The following INPP4B variants were observed in gnomAD, a reference collection of about 807,000 sequenced individuals.
INPP4B encodes inositol polyphosphate 4-phosphatase type II.
Under a neutral mutation model 122.5 loss-of-function variants are expected in INPP4B, and 55 were observed. That is an observed-to-expected ratio of 0.45 (90% CI 0.36 to 0.56). The LOEUF (loss-of-function observed/expected upper bound fraction) is 0.56. INPP4B is among the 20% of genes least tolerant of loss of function. INPP4B has a pLI of 0.00. For synonymous variants in INPP4B, 403 were observed against 388.7 expected (o/e 1.04, Z -0.43); for missense variants, 1,000 against 1,097.7 (o/e 0.91, Z 1.26).
At chr4:142,806,791 GAAA>G (rs1778865898) in intron 1 of INPP4B, among the ~76,000 whole-genome samples, 7 of 96,354 alleles carry the variant, frequency 7.3e-5, no homozygotes, top group East Asian at 2.7e-4. Context: ...AAGAAGGAAA[GAAA>G]GAAAGAAAGA....
chr4:142,784,408 T>TAAATAAAA (rs1554009430), intron 1 of INPP4B, among the ~76,000 whole-genome samples: 4,653 of 132,932 alleles, frequency 0.035, 103 homozygotes, highest in South Asian at 0.086. Context: ...AATAAATAAA[T>TAAATAAAA]AAAAATTAAA....
intron 15 of INPP4B, 79 bp from the exon 16 acceptor site, chr4:142,173,888 A>T (rs1203788940): frequency 9.9e-6 from 11 of 1,105,960 alleles, no homozygotes. Flanking sequence ...GGCAAATGAT[A>T]AACAGAACTC....
intron 11 of INPP4B, 131 bp downstream of exon 11, chr4:142,260,361 C>T (rs1022369009): frequency 1.5e-6 from 1 of 673,720 alleles, no homozygotes; most frequent in Admixed American, 2.8e-5. Flanking sequence ...ATTCTGCTGG[C>T]CCCTTATGAT....
At chr4:142,173,914 C>T in intron 15 of INPP4B, 105 bp from the exon 16 acceptor site, 3 of 920,150 alleles carry the variant, frequency 3.3e-6, no homozygotes, top group Non-Finnish European at 3.5e-6. Flanking sequence ...ATCACTCTTT[C>T]CTATTGATAA....
intron 2 of INPP4B, among the ~76,000 whole-genome samples, chr4:142,494,860 A>T (rs145727024): frequency 3.3e-4 from 50 of 152,252 alleles, no homozygotes; most frequent in African/African-American, 1.2e-3. Context: ...TCTCTGCTTA[A>T]TATCTCTTCT....
chr4:142,368,301 A>T (rs1788350896), intron 7 of INPP4B, among the ~76,000 whole-genome samples: 1 of 152,184 alleles, frequency 6.6e-6, no homozygotes, highest in Non-Finnish European at 1.5e-5. Flanking sequence ...TTAATTCTGT[A>T]TTTTTTTAAA....
chr4:142,210,310 CA>C (rs1213180844), intron 12 of INPP4B, among the ~76,000 whole-genome samples: 1 of 152,146 alleles, frequency 6.6e-6, no homozygotes, highest in African/African-American at 2.4e-5. Context: ...AATGGGATTG[CA>C]ATTTAGAACT....
Position 142,627,681 on chromosome 4 carries a change from G to A in INPP4B, c.-191+98158C>T, listed in dbSNP as rs528313615. On this transcript the variant is annotated intron_variant, in intron 2 of 25. Transcript: ENST00000262992. ...AGTATTTTATTGAGGATTTTTTCAC[G>A]AATGTTCATCAAGGATATTGGTCTA... Among the ~76,000 whole-genome samples, 107 of 151,254 alleles carry A rather than the reference G, an allele frequency of 7.1e-4. No individual in the cohort carries two copies. In the Middle Eastern group the frequency reaches 0.017, roughly 24 times the overall value.
At chr4:142,475,758 A>G (rs1289199569) in intron 2 of INPP4B, among the ~76,000 whole-genome samples, 2 of 152,200 alleles carry the variant, frequency 1.3e-5, no homozygotes, top group Non-Finnish European at 2.9e-5. Flanking sequence ...GAGTTCAAAG[A>G]CGGTTTCTCT....
chr4:142,429,179 T>C lies in INPP4B; in HGVS notation c.130A>G (p.Ile44Val). 6.4e-7 allele frequency: 1 copy of C among 1,552,472 alleles called. No homozygotes were observed. The highest frequency in any genetic ancestry group is 8.9e-7 in the Non-Finnish European group (1 of 1,129,248). The change falls in exon 5 of 26, where the codon ATC becomes GTC. Residue 44 changes from isoleucine (I) to valine (V), a missense_variant. Coordinates refer to ENST00000262992, the MANE Select transcript of INPP4B (RefSeq NM_001101669.3). ...ATAAGATGGAATTTCTTACCAAGGATGAATTCCAACTGCGGTTCATTTGGA... is the reference window on the plus strand; with the variant it reads ...ATAAGATGGAATTTCTTACCAAGGACGAATTCCAACTGCGGTTCATTTGGA... ...KTPNEPQLEF[I>V]LACKDLVAPV... is the part of the protein sequence containing the mutation.
intron 17 of INPP4B, among the ~76,000 whole-genome samples, chr4:142,155,138 T>A (rs1323676840): frequency 1.3e-5 from 2 of 151,980 alleles, no homozygotes; most frequent in Non-Finnish European, 2.9e-5. Flanking sequence ...AGCTATAAGG[T>A]GTTGCTTTGA....
chr4:142,426,772 G>A (rs1014425114), intron 5 of INPP4B: 2 of 151,838 alleles, frequency 1.3e-5, no homozygotes, highest in Non-Finnish European at 2.9e-5. Context: ...AAAGCAATAT[G>A]GCACCTAGCA....
At chr4:142,330,420 AAG>A (rs1403416086) in intron 7 of INPP4B, among the ~76,000 whole-genome samples, 5 of 152,180 alleles carry the variant, frequency 3.3e-5, no homozygotes, top group African/African-American at 1.2e-4. Context: ...GCACTGGAGC[AAG>A]AGTGGTAACT....
chr4:142,581,960 G>A (rs917854277), intron 2 of INPP4B, among the ~76,000 whole-genome samples: 12 of 152,036 alleles, frequency 7.9e-5, no homozygotes, highest in Middle Eastern at 3.4e-3. Context: ...TAATCACAGC[G>A]TGGAAAAAAA....
intron 2 of INPP4B, among the ~76,000 whole-genome samples, chr4:142,540,590 A>T (rs1297849700): frequency 6.6e-6 from 1 of 152,214 alleles, no homozygotes; most frequent in East Asian, 1.9e-4. Flanking sequence ...TGCCATCCAG[A>T]TGAAGTCCTG....
At chr4:142,808,435 G>A (rs542291838) in intron 1 of INPP4B, among the ~76,000 whole-genome samples, 1 of 152,284 alleles carries the variant, frequency 6.6e-6, no homozygotes, top group Non-Finnish European at 1.5e-5. Flanking sequence ...GAATCATCTA[G>A]TCAGGAAGAA....
intron 5 of INPP4B, among the ~76,000 whole-genome samples, chr4:142,419,642 T>A (rs1467040975): frequency 6.6e-6 from 1 of 152,154 alleles, no homozygotes; most frequent in Non-Finnish European, 1.5e-5. Context: ...CTTTGCCAAC[T>A]ACAAAAGCTC....
intron 3 of INPP4B, among the ~76,000 whole-genome samples, chr4:142,434,716 A>G (rs945644338): frequency 2.0e-5 from 3 of 152,182 alleles, no homozygotes; most frequent in African/African-American, 7.2e-5. Flanking sequence ...GCCAAAACTC[A>G]GTAGGTTTTC....
In INPP4B at chr4:142,059,743, G is replaced by A. The variant is rs114829730; in HGVS notation, c.2642+22288C>T. ...CCTACATAGGCTCTAAAGCATTTTGGGGCAGTAGGTAGACCCTTGAGACAT... is the reference window on the plus strand; with the variant it reads ...CCTACATAGGCTCTAAAGCATTTTGAGGCAGTAGGTAGACCCTTGAGACAT... On this transcript the variant is annotated intron_variant, in intron 25 of 25. Coordinates refer to ENST00000262992, the MANE Select transcript of INPP4B (RefSeq NM_001101669.3). 6.1e-3 allele frequency among the ~76,000 whole-genome samples: 929 copies of A among 152,166 alleles called. 13 individuals are homozygous for A. The highest frequency in any genetic ancestry group is 0.021 in the African/African-American group (885 of 41,532).
Sources: allele counts gnomAD v4.1 joint callset (sites outside exome capture counted in the v4.1 genomes callset), GRCh38; gene constraint gnomAD v4.1.1; transcripts MANE v1.5; gene names NCBI Gene and HGNC (gene_info 2026-07-23, HGNC 2026-07-21).